Variants in SELENOF observed in about 807,000 individuals in gnomAD.
SELENOF encodes the protein selenoprotein F.
In SELENOF, 16 loss-of-function variants were observed where a neutral mutation model predicts 20.5. The observed-to-expected ratio is 0.78, with a 90% CI of 0.53 to 1.19. The LOEUF is 1.19. SELENOF is among the 50% of genes most tolerant of loss of function. The probability of loss-of-function intolerance (pLI) is 0.00; values close to 1 mark genes in which losing one functional copy is unlikely to be tolerated. For synonymous variants in SELENOF, 78 were observed against 74.5 expected (o/e 1.05, Z -0.24); for missense variants, 215 against 194.2 (o/e 1.11, Z -0.64).
At chr1:86,890,652 C>A (rs1180640384) in intron 2 of SELENOF, among the ~76,000 whole-genome samples, 2 of 150,652 alleles carry the variant, frequency 1.3e-5, no homozygotes, top group Non-Finnish European at 3.0e-5. Flanking sequence ...GTCATCACAC[C>A]CAGCTTTTTT....
At chr1:86,909,930 G>A (rs754966452) in intron 1 of SELENOF, among the ~76,000 whole-genome samples, 1 of 152,170 alleles carries the variant, frequency 6.6e-6, no homozygotes, top group Non-Finnish European at 1.5e-5. Flanking sequence ...GCTTGAACCC[G>A]AGAGGCGGAG....
intron 2 of SELENOF, among the ~76,000 whole-genome samples, chr1:86,896,804 A>C (rs952694828): frequency 3.3e-5 from 5 of 152,240 alleles, no homozygotes; most frequent in African/African-American, 1.2e-4. Context: ...TTATTCTTTC[A>C]GTTTTTAAAA....
At chr1:86,891,053 C>CT (rs34603223) in intron 2 of SELENOF, among the ~76,000 whole-genome samples, 4,945 of 139,832 alleles carry the variant, frequency 0.035, 104 homozygotes, top group East Asian at 0.093. Context: ...CCTATTTTTT[C>CT]TTTTTTTTTT....
intron 3 of SELENOF, among the ~76,000 whole-genome samples, chr1:86,869,569 A>C (rs531480701): frequency 2.0e-5 from 3 of 152,140 alleles, no homozygotes; most frequent in Non-Finnish European, 4.4e-5. Context: ...AGGCCTATAC[A>C]TGGGGCATTT....
chr1:86,867,458 C>G (rs1426547655), intron 4 of SELENOF, among the ~76,000 whole-genome samples: 7 of 151,928 alleles, frequency 4.6e-5, no homozygotes, highest in Admixed American at 3.9e-4. Flanking sequence ...TGCCACTGCA[C>G]TCCAGCCTGG....
At chr1:86,873,494 G>A (rs1381964374) in intron 3 of SELENOF, among the ~76,000 whole-genome samples, 1 of 152,108 alleles carries the variant, frequency 6.6e-6, no homozygotes, top group East Asian at 1.9e-4. Context: ...TGGTATGGTG[G>A]TTACTGACCA....
chr1:86,900,833 C>T (rs1367091468), intron 2 of SELENOF, among the ~76,000 whole-genome samples: 1 of 152,126 alleles, frequency 6.6e-6, no homozygotes, highest in African/African-American at 2.4e-5. Flanking sequence ...CCATCACACC[C>T]GAGTTGACTT....
At chr1:86,870,407 A>C (rs1424117648) in intron 3 of SELENOF, among the ~76,000 whole-genome samples, 1 of 152,204 alleles carries the variant, frequency 6.6e-6, no homozygotes, top group Non-Finnish European at 1.5e-5. Flanking sequence ...TCCCCAAACA[A>C]AAATGATCTT....
At chr1:86,889,306 A>G (rs1421414026) in intron 2 of SELENOF, among the ~76,000 whole-genome samples, 5 of 152,186 alleles carry the variant, frequency 3.3e-5, no homozygotes, top group Admixed American at 6.5e-5. Context: ...TTCAAAAATA[A>G]AACTGTTGGC....
intron 2 of SELENOF, among the ~76,000 whole-genome samples, chr1:86,887,794 C>T (rs1043102362): frequency 2.6e-5 from 4 of 152,084 alleles, no homozygotes; most frequent in East Asian, 1.9e-4. Context: ...GTCCCCACCC[C>T]TATGTATACT....
At chr1:86,913,744 C>A in intron 1 of SELENOF, 1 of 379,320 alleles carries the variant, frequency 2.6e-6, no homozygotes, top group Non-Finnish European at 4.9e-6. Context: ...TTATTCCCCC[C>A]TCCCACCTGG....
At chr1:86,888,705 G>A (rs1659296884) in intron 2 of SELENOF, among the ~76,000 whole-genome samples, 1 of 152,190 alleles carries the variant, frequency 6.6e-6, no homozygotes, top group Non-Finnish European at 1.5e-5. Flanking sequence ...CTCCCATTGC[G>A]CAAGCTAGAG....
chr1:86,879,647 T>C (rs1479169095), intron 3 of SELENOF, among the ~76,000 whole-genome samples: 1 of 152,196 alleles, frequency 6.6e-6, no homozygotes, highest in Non-Finnish European at 1.5e-5. Context: ...GGTATGTAAA[T>C]TGAATACTTA....
At chr1:86,908,430 CATTTTAT>C (rs1659886729) in intron 1 of SELENOF, among the ~76,000 whole-genome samples, 1 of 152,114 alleles carries the variant, frequency 6.6e-6, no homozygotes, top group South Asian at 2.1e-4. Flanking sequence ...TTGTTATCAC[CATTTTAT>C]AAAGAAAGAA....
intron 2 of SELENOF, among the ~76,000 whole-genome samples, chr1:86,890,935 T>C (rs1429692908): frequency 6.6e-6 from 1 of 152,176 alleles, no homozygotes; most frequent in Admixed American, 6.5e-5. Context: ...TTCCAACTTT[T>C]ATTTAATTTA....
intron 2 of SELENOF, among the ~76,000 whole-genome samples, chr1:86,894,987 G>A (rs1246670815): frequency 2.0e-5 from 3 of 152,002 alleles, no homozygotes; most frequent in Non-Finnish European, 4.4e-5. Flanking sequence ...TGATCAAAAC[G>A]GCACACATTT....
At chr1:86,883,530 T>C (rs945517467) in intron 2 of SELENOF, among the ~76,000 whole-genome samples, 2 of 152,134 alleles carry the variant, frequency 1.3e-5, no homozygotes, top group South Asian at 2.1e-4. Flanking sequence ...ACATAGTGTA[T>C]AGTTAAAATA....
chr1:86,870,624 T>TA (rs1487857800), intron 3 of SELENOF, among the ~76,000 whole-genome samples: 41 of 82,668 alleles, frequency 5.0e-4, no homozygotes, highest in African/African-American at 3.1e-3. Flanking sequence ...TATTAAAATA[T>TA]TTTTTTTTTT....
At chr1:86,890,240 C>A (rs1161316124) in intron 2 of SELENOF, among the ~76,000 whole-genome samples, 1 of 152,154 alleles carries the variant, frequency 6.6e-6, no homozygotes, top group Non-Finnish European at 1.5e-5. Context: ...CTTCTCTCAA[C>A]CATTTGCCTA....
Sources: allele counts gnomAD v4.1 joint callset (sites outside exome capture counted in the v4.1 genomes callset), GRCh38; gene constraint gnomAD v4.1.1; transcripts MANE v1.5; gene names NCBI Gene and HGNC (gene_info 2026-07-23, HGNC 2026-07-21).